Variants in GNS observed in about 807,000 individuals in gnomAD.
GNS encodes the protein N-acetylglucosamine-6-sulfatase.
A neutral mutation model predicts 69.7 loss-of-function variants in GNS; 40 were observed. The observed-to-expected ratio is 0.57, with a 90% CI of 0.45 to 0.75. GNS has a LOEUF of 0.75. Ranked by LOEUF, GNS falls within the 30% of genes least tolerant of loss-of-function variation. The pLI is 0.00. For synonymous variants in GNS, 243 were observed against 251.6 expected, an observed-to-expected ratio of 0.97 and a Z score of 0.32; for missense variants, 565 against 685.5, an observed-to-expected ratio of 0.82 and a Z score of 1.96.
chr12:64,744,766 G>GC, intron 5 of GNS, 43 bp downstream of exon 5: 1 of 893,296 alleles, frequency 1.1e-6, no homozygotes, highest in Non-Finnish European at 1.9e-6. Flanking sequence ...TCAAATGTGA[G>GC]CCAACCCTGT....
rs546116664 is a variant in GNS, at chr12:64,750,013, G to A, written c.253-2095C>T. Among the ~76,000 whole-genome samples, 4 of 151,864 alleles carry A rather than the reference G, an allele frequency of 2.6e-5. No individual in the cohort carries two copies. The East Asian group carries it at 7.8e-4, about 30-fold the overall frequency. On this transcript the variant is annotated intron_variant, in intron 2 of 13. Transcript: ENST00000258145. ...CACCCCAACTTCCCAAAGTAGATGGGACCACAGACGTGCACCACCATGCCT... is the reference window on the plus strand; with the variant it reads ...CACCCCAACTTCCCAAAGTAGATGGAACCACAGACGTGCACCACCATGCCT...
intron 2 of GNS, among the ~76,000 whole-genome samples, chr12:64,750,103 G>GT (rs974235667): frequency 6.6e-5 from 10 of 152,178 alleles, no homozygotes; most frequent in African/African-American, 2.2e-4. Context: ...CTGGAGTGCA[G>GT]TGGCACAGTC....
rs778459851 is a variant in GNS at position 64,716,255 on chromosome 12, T to TA, written c.*485dup. On this transcript the variant is annotated 3_prime_UTR_variant, in exon 14 of 14. Coordinates refer to ENST00000258145, the MANE Select transcript of GNS (RefSeq NM_002076.4). ...ACTTGGATGATTCAGCTCTGATGGT[T>TA]ACTCTTCAAGCCATGTGATGTTAGT... 8 of 204,736 alleles carry TA rather than the reference T, an allele frequency of 3.9e-5. No homozygotes were observed. Among genetic ancestry groups the TA allele is most frequent in the Non-Finnish European group, 6.1e-5 (6 of 97,618 alleles). The allele number at this position is 204,736 out of a possible 1,614,324, so 12.7% of individuals were successfully genotyped here. A position where few individuals can be genotyped will look rare whatever the true frequency, so the allele number is the denominator to read the frequency against.
rs1413614538 is a variant in GNS at position 64,745,711 on chromosome 12, T to G, written c.473A>C (p.Asp158Ala). 1 of 1,605,672 alleles carries G rather than the reference T, an allele frequency of 6.2e-7. No homozygotes were observed. The highest frequency in any genetic ancestry group is 1.7e-5 in the Admixed American group (1 of 60,014). The stretch of plus-strand genomic sequence containing the variant: ...AGGAACGTGTTCTAGTCCACCTGCA[T>G]CTGGGGCTCCGTACTGAAAAGCAAA... ...GKYLNEYGAP[D>A]AGGLEHVPLG... Residue 158 changes from aspartate (D) to alanine (A), a missense_variant, in exon 4 of 14, where the codon GAT becomes GCT. By Grantham distance (126) the Asp-to-Ala change is moderately radical. Transcript: ENST00000258145.
At chr12:64,736,378 T>C (rs371995999) in intron 9 of GNS, among the ~76,000 whole-genome samples, 6 of 152,202 alleles carry the variant, frequency 3.9e-5, no homozygotes, top group Non-Finnish European at 7.3e-5. Context: ...GAAAGACTAA[T>C]TCCTAGAAGA....
At chr12:64,753,361 T>C (rs990920551) in intron 1 of GNS, among the ~76,000 whole-genome samples, 59 of 152,242 alleles carry the variant, frequency 3.9e-4, no homozygotes, top group African/African-American at 1.4e-3. Context: ...TTTTATGTCC[T>C]GCTTTTCATC....
intron 8 of GNS, among the ~76,000 whole-genome samples, 158 bp from the exon 9 acceptor site, chr12:64,737,265 C>T (rs1869582527): frequency 6.6e-6 from 1 of 152,196 alleles, no homozygotes. Flanking sequence ...TCTCTTGTTA[C>T]TACAAGGCAG....
In GNS at chr12:64,716,251, T is replaced by TG. The variant is rs1868854087; in HGVS notation, c.*489dup. 4.9e-6 allele frequency: 1 copy of TG among 203,056 alleles called. No individual in the cohort carries two copies. Among genetic ancestry groups the TG allele is most frequent in the African/African-American group, 2.3e-5 (1 of 43,830 alleles). The allele number at this position is 203,056 out of a possible 1,614,324, so 12.6% of individuals were successfully genotyped here. A position where few individuals can be genotyped will look rare whatever the true frequency, so the allele number is the denominator to read the frequency against. Reference sequence around the variant, plus strand: ...TCTTACTTGGATGATTCAGCTCTGATGGTTACTCTTCAAGCCATGTGATGT... The same window carrying TG: ...TCTTACTTGGATGATTCAGCTCTGATGGGTTACTCTTCAAGCCATGTGATGT... On this transcript the variant is annotated 3_prime_UTR_variant, in exon 14 of 14. Coordinates refer to ENST00000258145, the MANE Select transcript of GNS (RefSeq NM_002076.4).
At chr12:64,754,393 A>G (rs1870179899) in intron 1 of GNS, among the ~76,000 whole-genome samples, 1 of 152,168 alleles carries the variant, frequency 6.6e-6, no homozygotes, top group South Asian at 2.1e-4. Flanking sequence ...TGCGATGAGG[A>G]GTCAGTCATG....
chr12:64,756,678 C>G, intron 1 of GNS: 1 of 1,219,026 alleles, frequency 8.2e-7, no homozygotes, highest in South Asian at 1.3e-5. Context: ...CTGCTCGGCT[C>G]CAAGTAAGTT....
chr12:64,725,995 C>CAAAAAAAA (rs34734900), intron 10 of GNS, among the ~76,000 whole-genome samples: 3 of 49,216 alleles, frequency 6.1e-5, no homozygotes, highest in Admixed American at 3.4e-4. Context: ...GACTCTGTCT[C>CAAAAAAAA]AAAAAAAAAA....
chr12:64,758,262 CCCT>C (rs2136257738), intron 1 of GNS, among the ~76,000 whole-genome samples: 1 of 150,642 alleles, frequency 6.6e-6, no homozygotes, highest in East Asian at 2.0e-4. Flanking sequence ...GCAACACACA[CCCT>C]CAATAGTTCG....
intron 9 of GNS, among the ~76,000 whole-genome samples, chr12:64,730,766 T>C (rs1240565003): frequency 1.3e-5 from 2 of 152,090 alleles, no homozygotes; most frequent in South Asian, 2.1e-4. Context: ...AATGTCAATA[T>C]GGAAGAGGTC....
intron 10 of GNS, among the ~76,000 whole-genome samples, chr12:64,725,357 G>A (rs778934668): frequency 6.6e-6 from 1 of 152,168 alleles, no homozygotes; most frequent in Admixed American, 6.5e-5. Flanking sequence ...ACAGAAACGG[G>A]GGTGCGCTAG....
chr12:64,740,141 T>A (rs569372622), intron 7 of GNS, among the ~76,000 whole-genome samples: 33 of 152,206 alleles, frequency 2.2e-4, no homozygotes, highest in Non-Finnish European at 3.7e-4. Context: ...ACAGAAAAAG[T>A]TTGCTTATCC....
chr12:64,750,141 G>T (rs755125150), intron 2 of GNS, among the ~76,000 whole-genome samples: 5 of 152,010 alleles, frequency 3.3e-5, no homozygotes, highest in Non-Finnish European at 5.9e-5. Context: ...CTACCTCCTG[G>T]GTTCAAGCAA....
intron 4 of GNS, among the ~76,000 whole-genome samples, chr12:64,745,174 C>G (rs1160983221): frequency 1.4e-5 from 2 of 147,726 alleles, no homozygotes; most frequent in Non-Finnish European, 3.0e-5. Context: ...GAAAAACATC[C>G]CAGAAAGGAG....
At chr12:64,755,655 T>C (rs1055602246) in intron 1 of GNS, among the ~76,000 whole-genome samples, 3 of 150,902 alleles carry the variant, frequency 2.0e-5, no homozygotes, top group Non-Finnish European at 2.9e-5. Context: ...TTTGGCCAAA[T>C]GTCACTTTTC....
chr12:64,729,235 A>C (rs977609756), intron 9 of GNS, 178 bp from the exon 10 acceptor site: 31 of 623,380 alleles, frequency 5.0e-5, no homozygotes, highest in African/African-American at 5.0e-4. Flanking sequence ...ACTTCAAACA[A>C]AATATAAAGG....
Sources: allele counts gnomAD v4.1 joint callset (sites outside exome capture counted in the v4.1 genomes callset), GRCh38; gene constraint gnomAD v4.1.1; transcripts MANE v1.5; gene names NCBI Gene and HGNC (gene_info 2026-07-23, HGNC 2026-07-21).